The following SPATA13 variants were observed in gnomAD, a reference collection of about 807,000 sequenced individuals.
SPATA13 encodes spermatogenesis associated 13.
Under a neutral mutation model 104.0 loss-of-function variants are expected in SPATA13, and 50 were observed. That is an observed-to-expected ratio of 0.48 (90% CI 0.38 to 0.61). The LOEUF (loss-of-function observed/expected upper bound fraction) is 0.61, where lower values mean the gene tolerates loss of function less well. Ranked by LOEUF, SPATA13 falls within the 20% of genes least tolerant of loss-of-function variation. The pLI is 0.00. For missense variants in SPATA13, 1,524 were observed against 1,690.6 expected (o/e 0.90, Z 1.73); for synonymous variants, 606 against 667.5 (o/e 0.91, Z 1.42).
At chr13:24,009,741 A>C (rs1252437675) in intron 2 of SPATA13, among the ~76,000 whole-genome samples, 7 of 152,248 alleles carry the variant, frequency 4.6e-5, no homozygotes. Context: ...AGCAGGCTTC[A>C]GAGAAAACAG....
rs576989603 is a variant in SPATA13 at position 24,039,036 on chromosome 13, G to A, written c.-112+21335G>A. On this transcript the variant is annotated intron_variant, in intron 3 of 14. Coordinates refer to the SPATA13 transcript ENST00000424834. ...TGCTCACATACCTTCTATCAGAGACGATTAAAAAAGTTATTGTTTACACCA... is the reference window on the plus strand; with the variant it reads ...TGCTCACATACCTTCTATCAGAGACAATTAAAAAAGTTATTGTTTACACCA... 1.2e-4 allele frequency among the ~76,000 whole-genome samples: 19 copies of A among 152,266 alleles called. No individual in the cohort carries two copies. In the East Asian group the frequency reaches 3.5e-3, roughly 28 times the overall value.
chr13:24,226,865 T>A (rs1343836227), intron 2 of SPATA13, among the ~76,000 whole-genome samples: 2 of 152,160 alleles, frequency 1.3e-5, no homozygotes, highest in African/African-American at 4.8e-5. Flanking sequence ...TATCGCAGAG[T>A]ACTTTCAGAT....
chr13:24,043,198 T>C (rs1006651788), intron 3 of SPATA13, among the ~76,000 whole-genome samples: 3 of 152,226 alleles, frequency 2.0e-5, no homozygotes, highest in Non-Finnish European at 4.4e-5. Flanking sequence ...TTATCACTCC[T>C]CTCCCTTAGC....
rs1435786590 is a variant in SPATA13 at position 24,286,737 on chromosome 13, T to C, written c.2482-28T>C. 6.2e-7 allele frequency: 1 copy of C among 1,606,276 alleles called. No individual in the cohort carries two copies. The highest frequency in any genetic ancestry group is 8.5e-7 in the Non-Finnish European group (1 of 1,175,238). Reference sequence around the variant, plus strand: ...CCATGCTGCCCTCCCCTGCCCCAAGTCACCTGTCCCCTGTATGTGGGTTGC... The same window carrying C: ...CCATGCTGCCCTCCCCTGCCCCAAGCCACCTGTCCCCTGTATGTGGGTTGC... On this transcript the variant is annotated intron_variant, in intron 6 of 12. Transcript: ENST00000382108. The surrounding 1 kb of genome is among the most constrained non-coding windows in gnomAD (Gnocchi z 4.9).
At chr13:24,231,333 A>G (rs1872260626) in intron 2 of SPATA13, among the ~76,000 whole-genome samples, 1 of 152,208 alleles carries the variant, frequency 6.6e-6, no homozygotes, top group Admixed American at 6.5e-5. Flanking sequence ...TGGACATTTC[A>G]TAGAAATGGA....
intron 3 of SPATA13, among the ~76,000 whole-genome samples, chr13:24,021,052 A>T (rs1386947448): frequency 6.6e-6 from 1 of 152,222 alleles, no homozygotes; most frequent in African/African-American, 2.4e-5. Context: ...ATAAATAAAT[A>T]ATTGGAGTGG....
At chr13:24,101,080 G>A (rs530666310) in intron 3 of SPATA13, among the ~76,000 whole-genome samples, 16 of 152,208 alleles carry the variant, frequency 1.1e-4, no homozygotes, top group Middle Eastern at 3.4e-3. Context: ...GGGGAAATTC[G>A]CATACACTTG....
At chr13:24,010,307 GCAGA>G (rs974403953) in intron 2 of SPATA13, among the ~76,000 whole-genome samples, 5 of 152,164 alleles carry the variant, frequency 3.3e-5, no homozygotes, top group Non-Finnish European at 7.3e-5. Flanking sequence ...CCTTAGATGA[GCAGA>G]CAGATGACTT....
chr13:24,038,237 A>G (rs978108307), intron 3 of SPATA13, among the ~76,000 whole-genome samples: 2 of 152,194 alleles, frequency 1.3e-5, no homozygotes, highest in African/African-American at 2.4e-5. Flanking sequence ...TTTAACAAAT[A>G]TATACTGTGG....
At chr13:24,002,676 G>T (rs979511493) in intron 2 of SPATA13, among the ~76,000 whole-genome samples, 3 of 152,092 alleles carry the variant, frequency 2.0e-5, no homozygotes, top group Non-Finnish European at 2.9e-5. Context: ...CGCAAGCCTC[G>T]TCCGGCTCCT....
intron 2 of SPATA13, among the ~76,000 whole-genome samples, chr13:24,003,209 A>G (rs972686132): frequency 1.3e-5 from 2 of 152,128 alleles, no homozygotes; most frequent in African/African-American, 2.4e-5. Context: ...AGATGTACCT[A>G]TAGATAGAAA....
chr13:24,184,986 G>A (rs1159348511), intron 1 of SPATA13, among the ~76,000 whole-genome samples: 4 of 152,066 alleles, frequency 2.6e-5, no homozygotes, highest in African/African-American at 9.7e-5. Flanking sequence ...AGGAAAGTGC[G>A]GGTGCCTTTG....
intron 11 of SPATA13, among the ~76,000 whole-genome samples, chr13:24,299,045 G>GAATAGGGCTAATCACTCGTGCCCAGA (rs1272057943): frequency 6.6e-6 from 1 of 152,146 alleles, no homozygotes; most frequent in African/African-American, 2.4e-5. Context: ...GGCCCCATTG[G>GAATAGGGCTAATCACTCGTGCCCAGA]AATAGGGCTA....
At chr13:24,270,118 A>T (rs998055110) in intron 4 of SPATA13, among the ~76,000 whole-genome samples, 2 of 152,122 alleles carry the variant, frequency 1.3e-5, no homozygotes, top group Non-Finnish European at 2.9e-5. Flanking sequence ...TCTTCTGCTT[A>T]TGGGGAAATG....
intron 3 of SPATA13, among the ~76,000 whole-genome samples, chr13:24,131,393 C>T (rs1881385761): frequency 6.6e-6 from 1 of 152,180 alleles, no homozygotes; most frequent in Non-Finnish European, 1.5e-5. Flanking sequence ...ACTCACAAAA[C>T]CATCTACCCG....
At chr13:24,218,218 T>C (rs1353946085) in intron 1 of SPATA13, among the ~76,000 whole-genome samples, 1 of 152,074 alleles carries the variant, frequency 6.6e-6, no homozygotes, top group Non-Finnish European at 1.5e-5. Flanking sequence ...AGCCAGACCA[T>C]GGTCATCCAG....
intron 3 of SPATA13, among the ~76,000 whole-genome samples, chr13:24,024,895 T>C (rs1877137476): frequency 6.6e-6 from 1 of 150,652 alleles, no homozygotes; most frequent in East Asian, 1.9e-4. Context: ...CCCCCATTTC[T>C]CTAAAAATTG....
chr13:24,159,775 T>C (rs2138481932), upstream of SPATA13, among the ~76,000 whole-genome samples: 1 of 152,376 alleles, frequency 6.6e-6, no homozygotes, highest in East Asian at 1.9e-4. Context: ...TGTTTTTTAT[T>C]TTACAGATTG....
At chr13:24,026,970 TG>T (rs978222557) in intron 3 of SPATA13, among the ~76,000 whole-genome samples, 5 of 152,222 alleles carry the variant, frequency 3.3e-5, no homozygotes, top group African/African-American at 1.2e-4. Flanking sequence ...GAGGGTACTC[TG>T]TTTCTTTATA....
Sources: gnomAD v4.1 joint callset for allele counts (sites outside exome capture counted in the v4.1 genomes callset) on GRCh38, gnomAD v4.1.1 for gene constraint, Gnocchi (gnomAD v3.1) non-coding constraint, MANE v1.5 for transcripts, NCBI Gene and HGNC (gene_info 2026-07-23, HGNC 2026-07-21) for gene names.